STN1: variants seen among roughly 807,000 people sequenced by gnomAD.
The protein encoded by STN1 is CST complex subunit STN1.
STN1 carries 29 observed loss-of-function variants against 45.5 expected under a neutral mutation model. That is an observed-to-expected ratio of 0.64 (90% CI 0.47 to 0.87). The LOEUF (loss-of-function observed/expected upper bound fraction) is 0.87. STN1 is among the 40% of genes least tolerant of loss of function. The probability of loss-of-function intolerance (pLI) is 0.00; values close to 1 mark genes in which losing one functional copy is unlikely to be tolerated. For synonymous variants in STN1, 148 were observed against 159.0 expected (o/e 0.93, Z 0.52); for missense variants, 376 against 441.4 (o/e 0.85, Z 1.33).
chr10:103,904,736 T>C (rs899949169), intron 4 of STN1, among the ~76,000 whole-genome samples: 6 of 152,210 alleles, frequency 3.9e-5, no homozygotes, highest in Admixed American at 1.3e-4. Context: ...GGTCAAGTGA[T>C]ATGGCTGGGA....
At chr10:103,890,230 T>C (rs1435500054) in intron 8 of STN1, among the ~76,000 whole-genome samples, 2 of 152,192 alleles carry the variant, frequency 1.3e-5, no homozygotes, top group Non-Finnish European at 2.9e-5. Context: ...CTGACCTGCC[T>C]TACTGGAGGG....
In STN1 at chr10:103,877,604, A is replaced by G. The variant is rs185346172; in HGVS notation, c.*5080T>C. ...CTATTCAGGTTTATTTAATAAATACAGTAGAGGTTAACAGATGATAGTGCA... is the reference window on the plus strand; with the variant it reads ...CTATTCAGGTTTATTTAATAAATACGGTAGAGGTTAACAGATGATAGTGCA... On this transcript the variant is annotated 3_prime_UTR_variant, in exon 10 of 10. Transcript: ENST00000224950. 1.3e-5 allele frequency: 2 copies of G among 152,368 alleles called. No homozygotes were observed. The highest frequency in any genetic ancestry group is 1.9e-4 in the East Asian group (1 of 5,194). The allele number at this position is 152,368 out of a possible 1,614,324, so 9.4% of individuals were successfully genotyped here.
chr10:103,910,620 C>A lies in STN1; in HGVS notation c.136G>T (p.Val46Leu). Residue 46 changes from valine to leucine, a missense_variant and splice_region_variant, in exon 3 of 10, where the codon GTA (valine) becomes TTA (leucine). Physicochemically the swap from Val to Leu is conservative, Grantham distance 32. Coordinates refer to ENST00000224950, the MANE Select transcript of STN1 (RefSeq NM_024928.5). ...ATTGGATGTCCATTGTACAAAAATA[C>A]ACCTAAAATTTAAAAAAAGCAAAGT... ...DMKESRQVPG[V>L]FLYNGHPIKQ... 6.3e-7 allele frequency: 1 copy of A among 1,589,998 alleles called. No homozygotes were observed. Among genetic ancestry groups the A allele is most frequent in the Non-Finnish European group, 8.6e-7 (1 of 1,160,554 alleles).
Position 103,899,015 on chromosome 10 carries a change from G to C in STN1, c.458-15C>G. 6.2e-7 allele frequency: 1 copy of C among 1,612,398 alleles called. No individual in the cohort carries two copies. The highest frequency in any genetic ancestry group is 8.5e-7 in the Non-Finnish European group (1 of 1,179,496). On this transcript the variant is annotated splice_polypyrimidine_tract_variant and intron_variant, in intron 5 of 9. Coordinates refer to ENST00000224950, the MANE Select transcript of STN1 (RefSeq NM_024928.5). ...GTCCACTTTATCTAACAAGTGACCA[G>C]AAAAAAGATGCTACAGAAATTACAA...
chr10:103,899,027 T>C (rs1432260659), intron 5 of STN1, 27 bp from the exon 6 acceptor site: 3 of 1,611,670 alleles, frequency 1.9e-6, no homozygotes, highest in African/African-American at 1.3e-5. Flanking sequence ...AAAAAGATGC[T>C]ACAGAAATTA....
intron 4 of STN1, 94 bp downstream of exon 4, chr10:103,904,997 G>C (rs2134370184): frequency 9.3e-7 from 1 of 1,073,118 alleles, no homozygotes; most frequent in Non-Finnish European, 1.4e-6. Flanking sequence ...GCAGATAAAT[G>C]TGAAAATTTA....
intron 3 of STN1, among the ~76,000 whole-genome samples, chr10:103,907,477 A>G (rs1364954690): frequency 1.3e-5 from 2 of 152,200 alleles, no homozygotes; most frequent in Non-Finnish European, 2.9e-5. Flanking sequence ...CATTCAATGT[A>G]TACGTTGACT....
Position 103,900,237 on chromosome 10 carries a change from G to C in STN1, c.296-14C>G. On this transcript the variant is annotated splice_polypyrimidine_tract_variant and intron_variant, in intron 4 of 9. Coordinates refer to ENST00000224950, the MANE Select transcript of STN1 (RefSeq NM_024928.5). ...CACTTGGAGCAGCTGTAGTTGTTTA[G>C]AGCCAGAGGGAAAGAGAAAAAGTTA... 5 of 1,611,828 alleles carry C rather than the reference G, an allele frequency of 3.1e-6. No individual in the cohort carries two copies. Among genetic ancestry groups the C allele is most frequent in the South Asian group, 1.1e-5 (1 of 90,778 alleles).
intron 4 of STN1, among the ~76,000 whole-genome samples, chr10:103,904,464 A>AAAG (rs1321456974): frequency 4.0e-5 from 6 of 151,756 alleles, no homozygotes; most frequent in Non-Finnish European, 8.8e-5. Flanking sequence ...AAAAAAAAAA[A>AAAG]GTATCTAAAA....
At chr10:103,897,304 T>C (rs1353484332) in intron 7 of STN1, among the ~76,000 whole-genome samples, 5 of 96,834 alleles carry the variant, frequency 5.2e-5, no homozygotes, top group African/African-American at 1.6e-4. Context: ...AGAGTGAGAC[T>C]CTGTCTCCGA....
chr10:103,909,044 GTT>G (rs1445716669), intron 3 of STN1, among the ~76,000 whole-genome samples: 1 of 152,020 alleles, frequency 6.6e-6, no homozygotes, highest in East Asian at 1.9e-4. Context: ...CTAAGCCTTA[GTT>G]TTCTCATCTA....
intron 9 of STN1, among the ~76,000 whole-genome samples, chr10:103,885,529 C>T (rs913055562): frequency 6.6e-6 from 1 of 152,128 alleles, no homozygotes; most frequent in African/African-American, 2.4e-5. Flanking sequence ...AAAGTGATCT[C>T]CAGTCACTTC....
chr10:103,908,800 C>T (rs1173064789), intron 3 of STN1, among the ~76,000 whole-genome samples: 1 of 152,094 alleles, frequency 6.6e-6, no homozygotes, highest in Non-Finnish European at 1.5e-5. Context: ...TAATATCTAG[C>T]CTGGTTCTAG....
intron 2 of STN1, among the ~76,000 whole-genome samples, chr10:103,911,706 A>G (rs1379911311): frequency 6.6e-6 from 1 of 152,144 alleles, no homozygotes; most frequent in Non-Finnish European, 1.5e-5. Context: ...ATTCTAAATT[A>G]AGAAACAATG....
intron 9 of STN1, among the ~76,000 whole-genome samples, chr10:103,886,758 A>G (rs1298432102): frequency 1.3e-5 from 2 of 152,202 alleles, no homozygotes; most frequent in South Asian, 2.1e-4. Context: ...CTAAATGCCA[A>G]TTCATTTACT....
Position 103,900,103 on chromosome 10 carries a change from C to A in STN1, c.416G>T (p.Arg139Leu), listed in dbSNP as rs183917764. ...AATCTCTCGCTCTTCTCTGTATGTG[C>A]GGATACTGCCTCTGACTCGGATCGT... ...GDTIRVRGSI[R>L]TYREEREIHA... Residue 139 changes from arginine (R) to leucine (L), a missense_variant, in exon 5 of 10, where the codon CGC becomes CTC. Physicochemically the swap from Arg to Leu is moderately radical, Grantham distance 102. Transcript: ENST00000224950. 6.8e-6 allele frequency: 11 copies of A among 1,614,158 alleles called. No individual in the cohort carries two copies. Among genetic ancestry groups the A allele is most frequent in the African/African-American group, 1.3e-5 (1 of 75,036 alleles).
intron 4 of STN1, among the ~76,000 whole-genome samples, chr10:103,901,589 G>A (rs1320484173): frequency 6.6e-6 from 1 of 152,106 alleles, no homozygotes; most frequent in Admixed American, 6.6e-5. Context: ...ATTATGAAAT[G>A]GATATAACAG....
chr10:103,903,888 C>G (rs1843224923), intron 4 of STN1, among the ~76,000 whole-genome samples: 2 of 152,212 alleles, frequency 1.3e-5, no homozygotes, highest in Admixed American at 1.3e-4. Flanking sequence ...TTAAATCTAT[C>G]TACAAACCTT....
chr10:103,896,652 C>T (rs549181649), intron 7 of STN1, among the ~76,000 whole-genome samples: 38 of 151,850 alleles, frequency 2.5e-4, no homozygotes, highest in African/African-American at 8.2e-4. Context: ...CAAGGTCTCA[C>T]TCCGGGTGAC....
Sources: allele counts gnomAD v4.1 joint callset (sites outside exome capture counted in the v4.1 genomes callset), GRCh38; gene constraint gnomAD v4.1.1; transcripts MANE v1.5; gene names NCBI Gene and HGNC (gene_info 2026-07-23, HGNC 2026-07-21).